Variants in NLGN4X observed in about 807,000 individuals in gnomAD.
NLGN4X encodes neuroligin 4 X-linked.
A neutral mutation model predicts 40.3 loss-of-function variants in NLGN4X; 3 were observed. The ratio of observed to expected loss-of-function variants is 0.07; its 90% confidence interval spans 0.03 to 0.19. The LOEUF is 0.19. Among genes scored for constraint, NLGN4X ranks in the 10% least tolerant of loss-of-function variants. The pLI is 1.00. For synonymous variants in NLGN4X, 270 were observed against 306.8 expected (o/e 0.88, Z 1.25); for missense variants, 382 against 708.3 (o/e 0.54, Z 5.23).
intron 1 of NLGN4X, among the ~76,000 whole-genome samples, chrX:6,170,996 G>A (rs1010128617): frequency 9.0e-6 from 1 of 110,990 alleles, no homozygotes. Context: ...GATAATTTTT[G>A]AATTTTTTGT....
intron 3 of NLGN4X, among the ~76,000 whole-genome samples, chrX:6,022,251 G>GC (rs1408835479): frequency 9.0e-6 from 1 of 111,530 alleles, no homozygotes; most frequent in Admixed American, 9.5e-5. Context: ...AGAAGAGAGG[G>GC]ATTCTAATGA....
In NLGN4X at chrX:5,913,411, A is replaced by G. The variant is rs1016741166; in HGVS notation, c.626-4172T>C. Among the ~76,000 whole-genome samples, 4 of 111,280 alleles carry G rather than the reference A, an allele frequency of 3.6e-5. No individual in the cohort carries two copies. The Admixed American group carries it at 3.8e-4, about 11-fold the overall frequency. ...ATCACTTAACTTTAAATATATGTTC[A>G]AGGTGAATGAAGAGAACAAGCTACT... On this transcript the variant is annotated intron_variant, in intron 3 of 5. Coordinates refer to ENST00000381095, the MANE Select transcript of NLGN4X (RefSeq NM_181332.3).
chrX:5,971,781 C>T (rs749007841), intron 3 of NLGN4X, among the ~76,000 whole-genome samples: 6 of 111,631 alleles, frequency 5.4e-5, no homozygotes, highest in African/African-American at 1.6e-4. Flanking sequence ...TATATGCAGC[C>T]TTCCTGTTAG....
At chrX:5,962,236 G>A (rs902805059) in intron 3 of NLGN4X, among the ~76,000 whole-genome samples, 2 of 111,862 alleles carry the variant, frequency 1.8e-5, no homozygotes, top group African/African-American at 6.5e-5. Flanking sequence ...TTCTAATAAC[G>A]CCTAAACCTG....
chrX:6,156,096 T>C (rs2040258239), intron 1 of NLGN4X, among the ~76,000 whole-genome samples: 1 of 112,363 alleles, frequency 8.9e-6, no homozygotes, highest in South Asian at 3.7e-4. Flanking sequence ...CACATGCACA[T>C]GTATGCTCAT....
chrX:5,978,327 T>TCC (rs2147053193), intron 3 of NLGN4X, among the ~76,000 whole-genome samples: 1 of 30,613 alleles, frequency 3.3e-5, no homozygotes, highest in Non-Finnish European at 6.1e-5. Flanking sequence ...TTTCTTTCTT[T>TCC]CTTTCTTTCT....
chrX:5,923,592 GA>G (rs2033157807), intron 3 of NLGN4X, among the ~76,000 whole-genome samples: 1 of 112,086 alleles, frequency 8.9e-6, no homozygotes, highest in African/African-American at 3.2e-5. Flanking sequence ...GACAACAGAA[GA>G]GAGCTTATGC....
chrX:5,909,360 C>A, intron 3 of NLGN4X, 121 bp from the exon 4 acceptor site: 1 of 837,032 alleles, frequency 1.2e-6, no homozygotes. Flanking sequence ...AACTCTCACC[C>A]CCACCAATTA....
chrX:6,179,596 T>C (rs1921207309), intron 1 of NLGN4X, among the ~76,000 whole-genome samples: 1 of 112,168 alleles, frequency 8.9e-6, no homozygotes, highest in Non-Finnish European at 1.9e-5. Flanking sequence ...GGTCTGAGAA[T>C]TGGATGAGTG....
intron 2 of NLGN4X, among the ~76,000 whole-genome samples, chrX:6,130,278 G>A (rs2039652750): frequency 9.0e-6 from 1 of 111,226 alleles, no homozygotes. Flanking sequence ...ATATAACAAT[G>A]TTATATATTT....
At chrX:6,114,809 G>T (rs1004292415) in intron 2 of NLGN4X, among the ~76,000 whole-genome samples, 1 of 110,967 alleles carries the variant, frequency 9.0e-6, no homozygotes, top group African/African-American at 3.3e-5. Context: ...AAACAATCTT[G>T]CCAGCCTTCC....
At chrX:6,095,956 A>T (rs2038766708) in intron 2 of NLGN4X, among the ~76,000 whole-genome samples, 1 of 112,365 alleles carries the variant, frequency 8.9e-6, no homozygotes. Context: ...GGCTGCAATG[A>T]CCAATGGTTT....
chrX:6,149,911 A>G (rs1313618032), intron 2 of NLGN4X, among the ~76,000 whole-genome samples: 1 of 109,608 alleles, frequency 9.1e-6, no homozygotes, highest in Non-Finnish European at 1.9e-5. Flanking sequence ...TTGTTGATTT[A>G]CTATTTTCAG....
chrX:5,905,211 G>A (rs2032109841), intron 4 of NLGN4X, among the ~76,000 whole-genome samples: 1 of 111,784 alleles, frequency 8.9e-6, no homozygotes, highest in African/African-American at 3.3e-5. Flanking sequence ...AATTTAGGCA[G>A]TAGTGTATAT....
intron 2 of NLGN4X, among the ~76,000 whole-genome samples, chrX:6,140,296 G>C (rs776367909): frequency 9.0e-6 from 1 of 111,422 alleles, no homozygotes; most frequent in Non-Finnish European, 1.9e-5. Flanking sequence ...AGGATGTCTG[G>C]CTTGAAGGAG....
At chrX:6,225,681 C>CTTTTTTTCTTT (rs1926170471) in intron 1 of NLGN4X, among the ~76,000 whole-genome samples, 1 of 33,810 alleles carries the variant, frequency 3.0e-5, no homozygotes, top group African/African-American at 1.2e-4. Flanking sequence ...TTTTTTCTTT[C>CTTTTTTTCTTT]TTTTTTTCTT....
At chrX:6,115,278 T>C (rs1161010726) in intron 2 of NLGN4X, among the ~76,000 whole-genome samples, 1 of 111,759 alleles carries the variant, frequency 8.9e-6, no homozygotes, top group Non-Finnish European at 1.9e-5. Context: ...AAACAAATTC[T>C]ACAGGATCAC....
At chrX:6,067,334 C>T (rs2037947368) in intron 2 of NLGN4X, among the ~76,000 whole-genome samples, 1 of 110,627 alleles carries the variant, frequency 9.0e-6, no homozygotes, top group African/African-American at 3.3e-5. Context: ...TCTTTTCTTC[C>T]AGTGGTTTTC....
chrX:6,194,724 T>C (rs771669049), intron 1 of NLGN4X, among the ~76,000 whole-genome samples: 2 of 112,362 alleles, frequency 1.8e-5, no homozygotes, highest in Admixed American at 9.4e-5. Context: ...GATGAAACTG[T>C]ATTTGTAAAA....
Sources: gnomAD v4.1 joint callset for allele counts (sites outside exome capture counted in the v4.1 genomes callset) on GRCh38, gnomAD v4.1.1 for gene constraint, MANE v1.5 for transcripts, NCBI Gene and HGNC (gene_info 2026-07-23, HGNC 2026-07-21) for gene names.